Variants in SGIP1 observed in about 807,000 individuals in gnomAD.
SGIP1 encodes the protein SH3-containing GRB2-like protein 3-interacting protein 1.
Under a neutral mutation model 107.5 loss-of-function variants are expected in SGIP1, and 38 were observed. That is an observed-to-expected ratio of 0.35 (90% CI 0.27 to 0.46). The LOEUF is 0.46. SGIP1 is among the 20% of genes least tolerant of loss of function. SGIP1 has a pLI of 1.00. For missense variants in SGIP1, 929 were observed against 1,019.5 expected (o/e 0.91, Z 1.21); for synonymous variants, 365 against 366.1 (o/e 1.00, Z 0.03).
intron 23 of SGIP1, 52 bp downstream of exon 23, chr1:66,740,774 T>C: frequency 7.8e-7 from 1 of 1,279,584 alleles, no homozygotes; most frequent in Non-Finnish European, 1.1e-6. Flanking sequence ...AAAATGGCTT[T>C]AGGTATTTGC....
At chr1:66,652,029 C>T (rs2078861686) in intron 7 of SGIP1, among the ~76,000 whole-genome samples, 1 of 151,818 alleles carries the variant, frequency 6.6e-6, no homozygotes, top group South Asian at 2.1e-4. Context: ...GTAGTGATGC[C>T]CCTATTTTAC....
intron 18 of SGIP1, among the ~76,000 whole-genome samples, chr1:66,718,979 GT>G (rs754083741): frequency 6.6e-6 from 1 of 152,142 alleles, no homozygotes; most frequent in Non-Finnish European, 1.5e-5. Context: ...TGTACAAACT[GT>G]CATGCAAATA....
intron 2 of SGIP1, among the ~76,000 whole-genome samples, chr1:66,630,164 A>C (rs1241300616): frequency 2.0e-5 from 3 of 151,888 alleles, no homozygotes; most frequent in African/African-American, 7.3e-5. Context: ...CAGTGCTGCT[A>C]TGTACAATCA....
chr1:66,606,411 G>T (rs2066852445), intron 1 of SGIP1, among the ~76,000 whole-genome samples: 1 of 152,156 alleles, frequency 6.6e-6, no homozygotes, highest in Non-Finnish European at 1.5e-5. Context: ...TGAAATAACT[G>T]GTTTGGGTTT....
intron 1 of SGIP1, among the ~76,000 whole-genome samples, chr1:66,588,009 A>G (rs2062909663): frequency 6.6e-6 from 1 of 152,172 alleles, no homozygotes; most frequent in Admixed American, 6.6e-5. Flanking sequence ...GAAGGGCAAC[A>G]ACAACAAAAT....
chr1:66,643,913 C>T, intron 7 of SGIP1, 194 bp downstream of exon 7: 3 of 392,696 alleles, frequency 7.6e-6, no homozygotes, highest in Non-Finnish European at 1.3e-5. Context: ...AGTCCTTGTG[C>T]TTTTCAAAAA....
rs755427342 is a variant in SGIP1 at position 66,694,453 on chromosome 1, G to GT, written c.1571-975dup. 1.9e-5 allele frequency: 30 copies of GT among 1,607,692 alleles called. No homozygotes were observed. The South Asian group carries it at 2.1e-4, about 11-fold the overall frequency. On this transcript the variant is annotated intron_variant, in intron 17 of 24. Coordinates refer to ENST00000371037, the MANE Select transcript of SGIP1 (RefSeq NM_032291.4). Reference sequence around the variant, plus strand: ...TTGGTTCGTAGTGTCAGAAGACGATGTTTTTTATGACAAACTGCCCTCGTT... The same window carrying GT: ...TTGGTTCGTAGTGTCAGAAGACGATGTTTTTTTATGACAAACTGCCCTCGTT...
intron 1 of SGIP1, among the ~76,000 whole-genome samples, chr1:66,588,638 C>CTTT (rs35096597): frequency 1.2e-3 from 118 of 98,662 alleles, no homozygotes; most frequent in African/African-American, 3.5e-3. Context: ...CTAGTTAGTT[C>CTTT]TTTTTTTTTT....
intron 1 of SGIP1, among the ~76,000 whole-genome samples, chr1:66,560,148 T>C (rs539049285): frequency 1.3e-5 from 2 of 152,182 alleles, no homozygotes; most frequent in South Asian, 4.1e-4. Context: ...TTTGCTGTCA[T>C]TGAATTTTTC....
At chr1:66,682,427 T>C in intron 15 of SGIP1, 58 bp downstream of exon 15, 2 of 1,551,994 alleles carry the variant, frequency 1.3e-6, no homozygotes, top group Non-Finnish European at 1.7e-6. Context: ...GCTGCTGCAG[T>C]GTGAGCAACA....
chr1:66,717,006 G>A (rs1333552394), intron 18 of SGIP1, among the ~76,000 whole-genome samples: 2 of 152,084 alleles, frequency 1.3e-5, no homozygotes, highest in Non-Finnish European at 2.9e-5. Flanking sequence ...TCTACACTTA[G>A]TAAGATTATC....
intron 18 of SGIP1, among the ~76,000 whole-genome samples, chr1:66,716,657 A>G (rs962173300): frequency 1.3e-5 from 2 of 152,158 alleles, no homozygotes; most frequent in African/African-American, 4.8e-5. Flanking sequence ...TTCTAACCCC[A>G]GTTCCAGGAC....
chr1:66,540,231 CA>C (rs34113593), intron 1 of SGIP1, among the ~76,000 whole-genome samples: 66,051 of 150,648 alleles, frequency 0.44, 15,421 homozygotes, highest in East Asian at 0.82. Context: ...TATTGAGATG[CA>C]AAAAAAAAAG....
Position 66,677,064 on chromosome 1 carries a change from C to T in SGIP1, c.707C>T (p.Ser236Leu), listed in dbSNP as rs747920514. ...SGQPINPSME[S>L]PKLTRPFPTG... ...CAACCAATTAATCCAAGCATGGAGT[C>T]GCCAAAGTTAACAAGGCCTTTTCCC... Residue 236 changes from serine to leucine, a missense_variant, in exon 13 of 25, where the codon TCG becomes TTG. Physicochemically the swap from Ser to Leu is moderately radical, Grantham distance 145. Coordinates refer to ENST00000371037, the MANE Select transcript of SGIP1 (RefSeq NM_032291.4). The T allele has an allele frequency of 8.1e-6, 13 of 1,613,724 alleles. No individual in the cohort carries two copies. Among genetic ancestry groups the T allele is most frequent in the African/African-American group, 5.3e-5 (4 of 74,826 alleles).
intron 3 of SGIP1, chr1:66,634,086 A>G (rs767297874): frequency 1.1e-5 from 17 of 1,591,444 alleles, no homozygotes; most frequent in South Asian, 9.0e-5. Flanking sequence ...TCAGCAGGGG[A>G]AAAAAAAGAC....
At position 66,682,134 on chromosome 1, in the gene SGIP1, C is replaced by G. The variant is rs1188409718; in HGVS notation, c.1080C>G (p.Pro360=). The G allele has an allele frequency of 6.2e-7, 1 of 1,614,174 alleles. No homozygotes were observed. The highest frequency in any genetic ancestry group is 8.5e-7 in the Non-Finnish European group (1 of 1,179,992). Residue 360 remains proline, a synonymous_variant, in exon 15 of 25, where the codon CCC becomes CCG. Transcript: ENST00000371037. Reference sequence around the variant, plus strand: ...TCGGCCCCCCAGGTCCCACAGGCCCCCCAGGGCCTCCTGGGCCTCCTCGCA... The same window carrying G: ...TCGGCCCCCCAGGTCCCACAGGCCCGCCAGGGCCTCCTGGGCCTCCTCGCA... ...GPLGPPGPTG[P]PGPPGPPRNV...
chr1:66,676,852 A>C (rs1399526779), intron 12 of SGIP1, 152 bp from the exon 13 acceptor site: 2 of 623,482 alleles, frequency 3.2e-6, no homozygotes, highest in Non-Finnish European at 5.6e-6. Context: ...GCTTGAAAAG[A>C]ATAAGGAGCA....
chr1:66,727,872 G>A (rs547723092), intron 19 of SGIP1, among the ~76,000 whole-genome samples: 1 of 149,790 alleles, frequency 6.7e-6, no homozygotes, highest in South Asian at 2.1e-4. Context: ...AAAGGAGGCA[G>A]TGGGAGAGAT....
intron 18 of SGIP1, among the ~76,000 whole-genome samples, chr1:66,705,556 A>G (rs1478298391): frequency 6.6e-6 from 1 of 152,138 alleles, no homozygotes; most frequent in Admixed American, 6.6e-5. Context: ...TTTGGACTTT[A>G]CACACAGCCC....
Sources: allele counts gnomAD v4.1 joint callset (sites outside exome capture counted in the v4.1 genomes callset), GRCh38; gene constraint gnomAD v4.1.1; transcripts MANE v1.5; gene names NCBI Gene and HGNC (gene_info 2026-07-23, HGNC 2026-07-21).